Variants in PDE9A observed in about 807,000 individuals in gnomAD.
PDE9A encodes the protein high affinity cGMP-specific 3',5'-cyclic phosphodiesterase 9A.
Under a neutral mutation model 87.4 loss-of-function variants are expected in PDE9A, and 60 were observed. The observed-to-expected ratio is 0.69, with a 90% CI of 0.56 to 0.85. PDE9A has a LOEUF of 0.85. Ranked by LOEUF, PDE9A falls within the 40% of genes least tolerant of loss-of-function variation. The pLI, the probability that PDE9A is intolerant of heterozygous loss-of-function variation, is 0.00. For synonymous variants in PDE9A, 272 were observed against 279.4 expected (o/e 0.97, Z 0.27); for missense variants, 665 against 779.0 (o/e 0.85, Z 1.74).
At chr21:42,761,954 G>C in intron 13 of PDE9A, 129 bp from the exon 14 acceptor site, 2 of 893,994 alleles carry the variant, frequency 2.2e-6, no homozygotes, top group Non-Finnish European at 3.4e-6. Context: ...GGCACAGGCA[G>C]CTCCCCCAGC....
chr21:42,725,427 C>T (rs557211442), intron 4 of PDE9A, among the ~76,000 whole-genome samples: 29 of 152,140 alleles, frequency 1.9e-4, no homozygotes, highest in African/African-American at 6.5e-4. Flanking sequence ...TCAGTACAGA[C>T]GGGGTTTCTC....
At position 42,760,970 on chromosome 21, in the gene PDE9A, G is replaced by A. The variant is rs189539912; in HGVS notation, c.1085+63G>A. ...GCACCCTGGCTACTGGAGGGAACCTGTCAGCCCAACCCTCAGAGCAGTTCC... is the reference window on the plus strand; with the variant it reads ...GCACCCTGGCTACTGGAGGGAACCTATCAGCCCAACCCTCAGAGCAGTTCC... On this transcript the variant is annotated intron_variant, in intron 13 of 19. Transcript: ENST00000291539. The surrounding 1 kb of genome is among the most constrained non-coding windows in gnomAD (Gnocchi z 5.2). 4,433 of 1,071,996 alleles carry A rather than the reference G, an allele frequency of 4.1e-3. 210 individuals carry two copies. The Admixed American group carries it at 0.073, about 18-fold the overall frequency. 66.4% of individuals were successfully genotyped at this position (1,071,996 alleles called of 1,614,324 possible).
intron 1 of PDE9A, among the ~76,000 whole-genome samples, chr21:42,684,313 G>A (rs979012308): frequency 1.1e-4 from 16 of 152,134 alleles, no homozygotes; most frequent in East Asian, 3.9e-4. Context: ...AAGTAAGTCC[G>A]CCACACCGGA....
At chr21:42,757,705 G>A (rs1340876082) in intron 10 of PDE9A, 1 of 152,058 alleles carries the variant, frequency 6.6e-6, no homozygotes, top group Non-Finnish European at 1.5e-5. Context: ...CCTGGTGTGG[G>A]ACCTTCTTCC....
intron 19 of PDE9A, among the ~76,000 whole-genome samples, chr21:42,775,037 G>A (rs1310850302): frequency 1.3e-5 from 2 of 150,758 alleles, no homozygotes; most frequent in South Asian, 2.2e-4. Context: ...CACCTCCCGG[G>A]TTCAAGCAAT....
Position 42,691,105 on chromosome 21 carries a change from T to C in PDE9A, c.218+3111T>C, listed in dbSNP as rs1357682570. On this transcript the variant is annotated intron_variant, in intron 3 of 19. Coordinates refer to ENST00000291539, the MANE Select transcript of PDE9A (RefSeq NM_002606.3). ...GTCACCCACCCCGATACCATCACCA[T>C]CCAAAGTCACCCAGACCTATCACCA... 2.8e-5 allele frequency among the ~76,000 whole-genome samples: 4 copies of C among 140,462 alleles called. No individual in the cohort carries two copies. The East Asian group carries it at 9.1e-4, about 32-fold the overall frequency. The allele number at this position is 140,462 out of a possible 152,430, so 92.1% of individuals were successfully genotyped here. A position where few individuals can be genotyped will look rare whatever the true frequency, so the allele number is the denominator to read the frequency against.
intron 8 of PDE9A, 90 bp downstream of exon 8, chr21:42,743,950 A>G (rs2053579679): frequency 1.3e-6 from 1 of 786,948 alleles, no homozygotes; most frequent in South Asian, 1.5e-5. Flanking sequence ...GTTTGCCTAA[A>G]AGAAAGGCTG....
chr21:42,679,372 C>T (rs956051752), intron 1 of PDE9A, among the ~76,000 whole-genome samples: 4 of 151,850 alleles, frequency 2.6e-5, no homozygotes, highest in African/African-American at 7.2e-5. Flanking sequence ...AATCACGCCT[C>T]GCGTTCAGCG....
rs1052645923 is a variant in PDE9A at position 42,770,723 on chromosome 21, G to A, written c.1611G>A (p.Glu537=). ...CCCAGCTCTTCCCCATGGTTGAGGA[G>A]ATCATGCTGCAGCCACTTTGGGAAT... ...TVTKLFPMVE[E]IMLQPLWESR... is the part of the protein sequence containing the mutation. The change falls in exon 18 of 20, where the codon GAG becomes GAA. Residue 537 remains glutamate (E), a synonymous_variant. Coordinates refer to ENST00000291539, the MANE Select transcript of PDE9A (RefSeq NM_002606.3). 1.2e-6 allele frequency: 2 copies of A among 1,613,954 alleles called. No homozygotes were observed. The highest frequency in any genetic ancestry group is 1.3e-5 in the African/African-American group (1 of 75,068).
intron 4 of PDE9A, among the ~76,000 whole-genome samples, chr21:42,710,407 T>TC (rs1170055649): frequency 1.1e-5 from 1 of 91,370 alleles, no homozygotes. Context: ...AGACTCCATC[T>TC]CAAAAAAAAA....
rs1283594186 is a variant in PDE9A at position 42,760,409 on chromosome 21, A to G, written c.979A>G (p.Met327Val). Residue 327 changes from methionine (M) to valine (V), a missense_variant, in exon 12 of 20, where the codon ATG becomes GTG. Physicochemically the swap from Met to Val is conservative, Grantham distance 21. Transcript: ENST00000291539. This position sits in a 1 kb window ranked among gnomAD's most constrained non-coding sequence, Gnocchi z 5.2. ...CTGCGTGGCCCAGATGATGTACAGC[A>G]TGGTCTGGCTCTGCAGTCTCCAGGT... ...CFCVAQMMYSMVWLCSLQEKF... is the reference protein window; with the variant it reads ...CFCVAQMMYSVVWLCSLQEKF... The G allele has an allele frequency of 6.2e-7, 1 of 1,605,596 alleles. No individual in the cohort carries two copies. The highest frequency in any genetic ancestry group is 8.5e-7 in the Non-Finnish European group (1 of 1,177,520).
intron 7 of PDE9A, among the ~76,000 whole-genome samples, chr21:42,740,704 GTAGA>G (rs58108928): frequency 0.15 from 19,369 of 133,188 alleles, 1,434 homozygotes; most frequent in African/African-American, 0.19. Context: ...TAGGTAGGTA[GTAGA>G]TAGATAGATA....
intron 4 of PDE9A, among the ~76,000 whole-genome samples, chr21:42,707,622 AG>A (rs2048950258): frequency 6.6e-6 from 1 of 151,548 alleles, no homozygotes; most frequent in Middle Eastern, 3.2e-3. Context: ...ATGCACCACT[AG>A]CCCCCAGCTC....
At chr21:42,742,342 G>T (rs933067054) in intron 7 of PDE9A, among the ~76,000 whole-genome samples, 1 of 151,998 alleles carries the variant, frequency 6.6e-6, no homozygotes, top group Non-Finnish European at 1.5e-5. Context: ...CAGTCTCCCC[G>T]AGCATTCGGG....
At chr21:42,672,641 G>A (rs1020126676) in intron 1 of PDE9A, among the ~76,000 whole-genome samples, 10 of 152,248 alleles carry the variant, frequency 6.6e-5, no homozygotes, top group African/African-American at 1.7e-4. Flanking sequence ...ATGCCCTGCC[G>A]TGTTTAGAAA....
At chr21:42,754,243 A>G (rs2054776058) in intron 10 of PDE9A, among the ~76,000 whole-genome samples, 179 bp downstream of exon 10, 1 of 151,864 alleles carries the variant, frequency 6.6e-6, no homozygotes, top group African/African-American at 2.4e-5. Context: ...CTAACACTTT[A>G]TAGCAGGGCC....
chr21:42,700,342 G>A (rs916970973), intron 4 of PDE9A, among the ~76,000 whole-genome samples: 14 of 150,730 alleles, frequency 9.3e-5, no homozygotes, highest in African/African-American at 3.5e-4. Context: ...TGGTGGAAAC[G>A]TATATTTTTA....
intron 1 of PDE9A, among the ~76,000 whole-genome samples, chr21:42,677,863 A>C (rs1248972391): frequency 6.6e-6 from 1 of 152,174 alleles, no homozygotes; most frequent in Non-Finnish European, 1.5e-5. Flanking sequence ...GGCTGGGCTC[A>C]AACTCCTAAC....
intron 3 of PDE9A, 23 bp from the exon 4 acceptor site, chr21:42,698,945 C>G: frequency 6.2e-7 from 1 of 1,601,256 alleles, no homozygotes; most frequent in Non-Finnish European, 8.6e-7. Flanking sequence ...AGTCTCACAG[C>G]GGCACTGTCT....
Sources: allele counts gnomAD v4.1 joint callset (sites outside exome capture counted in the v4.1 genomes callset), GRCh38; gene constraint gnomAD v4.1.1; non-coding constraint Gnocchi (gnomAD v3.1); transcripts MANE v1.5; gene names NCBI Gene and HGNC (gene_info 2026-07-23, HGNC 2026-07-21).